Variants in TMCO4 observed in about 807,000 individuals in gnomAD.
TMCO4 encodes the protein transmembrane and coiled-coil domain-containing protein 4.
Under a neutral mutation model 64.7 loss-of-function variants are expected in TMCO4, and 58 were observed. That is an observed-to-expected ratio of 0.90 (90% CI 0.73 to 1.12). The LOEUF (loss-of-function observed/expected upper bound fraction) is 1.12, where lower values mean the gene tolerates loss of function less well. TMCO4 is among the 50% of genes most tolerant of loss of function. TMCO4 has a pLI of 0.00. For missense variants in TMCO4, 780 were observed against 825.9 expected (o/e 0.94, Z 0.68); for synonymous variants, 325 against 346.1 (o/e 0.94, Z 0.68).
intron 6 of TMCO4, among the ~76,000 whole-genome samples, chr1:19,767,349 C>G (rs2042781033): frequency 6.6e-6 from 1 of 152,194 alleles, no homozygotes; most frequent in Admixed American, 6.5e-5. Context: ...AAGTGGTAGT[C>G]ATTCTCAATG....
At position 19,755,760 on chromosome 1, in the gene TMCO4, T is replaced by C. The variant is rs147657902; in HGVS notation, c.389A>G (p.Tyr130Cys). The C allele has an allele frequency of 4.3e-5, 69 of 1,613,868 alleles. No homozygotes were observed. The highest frequency in any genetic ancestry group is 1.2e-4 in the South Asian group (11 of 91,068). ...AACGAGGACTCTGGCCCGGGCGTCA[T>C]AGTGCCCTCGAAAGACAGAAACAAC... The part of the protein sequence containing the change: ...LLSFSLKDGH[Y>C]DARARVLVCH... The change falls in exon 7 of 16, where the codon TAT becomes TGT. Residue 130 changes from tyrosine to cysteine, a missense_variant. Coordinates refer to ENST00000294543, the MANE Select transcript of TMCO4 (RefSeq NM_181719.7).
chr1:19,703,465 C>T (rs2095285204), intron 13 of TMCO4, among the ~76,000 whole-genome samples: 1 of 151,152 alleles, frequency 6.6e-6, no homozygotes, highest in South Asian at 2.1e-4. Context: ...TGCCTTCCTT[C>T]CTTCCCTCCT....
intron 4 of TMCO4, among the ~76,000 whole-genome samples, chr1:19,779,585 TC>T (rs1442104030): frequency 6.6e-6 from 1 of 152,178 alleles, no homozygotes; most frequent in African/African-American, 2.4e-5. Context: ...ATTCTTTTGC[TC>T]CCACGACCCC....
intron 4 of TMCO4, among the ~76,000 whole-genome samples, chr1:19,772,802 A>G (rs2043041428): frequency 6.6e-6 from 1 of 152,206 alleles, no homozygotes; most frequent in African/African-American, 2.4e-5. Flanking sequence ...AGGCAATGTC[A>G]GGAGCCCCCT....
chr1:19,756,285 C>G (rs906971608), intron 6 of TMCO4, among the ~76,000 whole-genome samples: 1 of 152,038 alleles, frequency 6.6e-6, no homozygotes, highest in African/African-American at 2.4e-5. Flanking sequence ...TCTCACCAGT[C>G]AAATGCGCAA....
intron 2 of TMCO4, among the ~76,000 whole-genome samples, chr1:19,797,256 C>T (rs906922806): frequency 2.6e-5 from 4 of 152,090 alleles, no homozygotes; most frequent in Non-Finnish European, 5.9e-5. Flanking sequence ...GGAATTAATC[C>T]CAGCAATGAG....
chr1:19,732,545 A>G lies in TMCO4; in HGVS notation c.1264+4827T>C, dbSNP rs1394108500. ...CTCCTCTCTAGATGATCAATGAGGCAGGGATGGGATGTTATGAAATAAGGA... is the reference window on the plus strand; with the variant it reads ...CTCCTCTCTAGATGATCAATGAGGCGGGGATGGGATGTTATGAAATAAGGA... On this transcript the variant is annotated intron_variant, in intron 13 of 15. Coordinates refer to ENST00000294543, the MANE Select transcript of TMCO4 (RefSeq NM_181719.7). The surrounding 1 kb of genome is among the most constrained non-coding windows in gnomAD (Gnocchi z 4.8). 2.0e-5 allele frequency among the ~76,000 whole-genome samples: 3 copies of G among 152,148 alleles called. No individual in the cohort carries two copies. Among genetic ancestry groups the G allele is most frequent in the Admixed American group, 2.0e-4 (3 of 15,278 alleles).
chr1:19,742,528 T>A (rs1021778840), intron 10 of TMCO4, among the ~76,000 whole-genome samples: 3 of 152,170 alleles, frequency 2.0e-5, no homozygotes, highest in African/African-American at 7.2e-5. Context: ...GGGGGGACCC[T>A]GTCTCAGCTC....
chr1:19,746,720 C>T (rs753124591), intron 8 of TMCO4, 121 bp from the exon 9 acceptor site: 41 of 1,233,054 alleles, frequency 3.3e-5, no homozygotes, highest in Non-Finnish European at 4.4e-5. Flanking sequence ...GTCAGGAGAT[C>T]GAGACTATCC....
chr1:19,765,862 T>G (rs927087439), intron 6 of TMCO4, among the ~76,000 whole-genome samples: 14 of 152,214 alleles, frequency 9.2e-5, no homozygotes, highest in African/African-American at 3.1e-4. Flanking sequence ...ACTCCGTGAC[T>G]AATCAGCCCG....
intron 13 of TMCO4, among the ~76,000 whole-genome samples, chr1:19,723,046 C>T (rs530796444): frequency 1.3e-5 from 2 of 152,314 alleles, no homozygotes; most frequent in South Asian, 4.1e-4. Flanking sequence ...AGGCTCTCCT[C>T]CCTCCTCTGA....
At chr1:19,753,028 C>T (rs1434893412) in intron 7 of TMCO4, among the ~76,000 whole-genome samples, 2 of 151,594 alleles carry the variant, frequency 1.3e-5, no homozygotes, top group Non-Finnish European at 2.9e-5. Context: ...GGCATGATCT[C>T]GGCTCACTGC....
chr1:19,743,007 G>A lies in TMCO4; in HGVS notation c.878-2066C>T, dbSNP rs906390127. On this transcript the variant is annotated intron_variant, in intron 10 of 15. Coordinates refer to ENST00000294543, the MANE Select transcript of TMCO4 (RefSeq NM_181719.7). The surrounding 1 kb of genome is among the most constrained non-coding windows in gnomAD (Gnocchi z 4.1). ...GGAGGTTGCAGTGAGCCAAGATCGC[G>A]CCACTGCACTCCAGCCTGGTGATAC... is the stretch of plus-strand genomic sequence containing the variant. Among the ~76,000 whole-genome samples, 9 of 151,890 alleles carry A rather than the reference G, an allele frequency of 5.9e-5. No homozygotes were observed. The South Asian group carries it at 1.5e-3, about 25-fold the overall frequency.
chr1:19,684,088 T>C (rs1345005771), intron 15 of TMCO4, among the ~76,000 whole-genome samples: 1 of 122,844 alleles, frequency 8.1e-6, no homozygotes, highest in Non-Finnish European at 1.7e-5. Context: ...TTTTTTTTTT[T>C]AAGGGATGGG....
chr1:19,779,465 A>C (rs2043358004), intron 4 of TMCO4, among the ~76,000 whole-genome samples: 1 of 152,212 alleles, frequency 6.6e-6, no homozygotes, highest in Non-Finnish European at 1.5e-5. Flanking sequence ...AGAATTTTTT[A>C]AGGTCAAAGC....
intron 13 of TMCO4, among the ~76,000 whole-genome samples, chr1:19,717,539 T>C (rs1313435646): frequency 2.0e-5 from 3 of 152,244 alleles, no homozygotes; most frequent in Non-Finnish European, 4.4e-5. Flanking sequence ...TTTTGGACCC[T>C]GTTCATCTCT....
intron 4 of TMCO4, among the ~76,000 whole-genome samples, chr1:19,777,127 A>G (rs1333470610): frequency 6.6e-6 from 1 of 151,674 alleles, no homozygotes; most frequent in Non-Finnish European, 1.5e-5. Context: ...ACGTGACAGG[A>G]TCTAGCCAAT....
intron 2 of TMCO4, among the ~76,000 whole-genome samples, chr1:19,791,148 C>A (rs1357700666): frequency 6.6e-6 from 1 of 151,998 alleles, no homozygotes; most frequent in South Asian, 2.1e-4. Context: ...CACACTGGGG[C>A]CTGTCAGCGG....
At chr1:19,701,729 T>A (rs10449254) in intron 13 of TMCO4, among the ~76,000 whole-genome samples, 67,991 of 151,490 alleles carry the variant, frequency 0.45, 15,543 homozygotes, top group Admixed American at 0.51. Context: ...TGGTGGGAAG[T>A]GGGGGGTGAA....
Sources: gnomAD v4.1 joint callset for allele counts (sites outside exome capture counted in the v4.1 genomes callset) on GRCh38, gnomAD v4.1.1 for gene constraint, Gnocchi (gnomAD v3.1) non-coding constraint, MANE v1.5 for transcripts, NCBI Gene and HGNC (gene_info 2026-07-23, HGNC 2026-07-21) for gene names.